CFAP299: variants seen among roughly 807,000 people sequenced by gnomAD.
CFAP299 encodes the protein cilia- and flagella-associated protein 299.
CFAP299 carries 21 observed loss-of-function variants against 27.0 expected under a neutral mutation model. That is an observed-to-expected ratio of 0.78 (90% CI 0.55 to 1.12). The LOEUF (loss-of-function observed/expected upper bound fraction) is 1.12. CFAP299 is among the 50% of genes most tolerant of loss of function. The probability of loss-of-function intolerance (pLI) is 0.00; values close to 1 mark genes in which losing one functional copy is unlikely to be tolerated. For synonymous variants in CFAP299, 104 were observed against 98.1 expected (o/e 1.06, Z -0.36); for missense variants, 310 against 276.6 (o/e 1.12, Z -0.86).
intron 3 of CFAP299, among the ~76,000 whole-genome samples, chr4:80,794,135 G>A (rs1273889754): frequency 6.6e-6 from 1 of 152,134 alleles, no homozygotes; most frequent in Non-Finnish European, 1.5e-5. Context: ...TTGATAGTCT[G>A]GGTCAATCAC....
chr4:80,651,451 G>A (rs1285635485), intron 3 of CFAP299, among the ~76,000 whole-genome samples: 1 of 147,936 alleles, frequency 6.8e-6, no homozygotes, highest in South Asian at 2.1e-4. Context: ...CTGAAGTCTC[G>A]ACCTCCTGGG....
At chr4:80,492,430 CAT>C (rs1441107869) in intron 2 of CFAP299, among the ~76,000 whole-genome samples, 7 of 152,174 alleles carry the variant, frequency 4.6e-5, no homozygotes, top group African/African-American at 1.4e-4. Flanking sequence ...AGTAAATAAA[CAT>C]ATGATGGCTC....
chr4:80,954,631 T>C (rs72866913), intron 5 of CFAP299, among the ~76,000 whole-genome samples: 3,763 of 152,192 alleles, frequency 0.025, 158 homozygotes, highest in African/African-American at 0.086. Context: ...GTCAGAAAAC[T>C]ACCTCATAAG....
At chr4:80,554,950 G>T (rs559371087) in intron 2 of CFAP299, among the ~76,000 whole-genome samples, 1 of 152,124 alleles carries the variant, frequency 6.6e-6, no homozygotes, top group African/African-American at 2.4e-5. Context: ...TGCAAACAGG[G>T]ATAGTTTGAC....
intron 3 of CFAP299, among the ~76,000 whole-genome samples, chr4:80,714,344 A>T (rs1722352756): frequency 6.6e-6 from 1 of 152,168 alleles, no homozygotes; most frequent in South Asian, 2.1e-4. Flanking sequence ...TTGAAATCAT[A>T]CAGTAAATAG....
intron 5 of CFAP299, among the ~76,000 whole-genome samples, chr4:80,954,060 C>T (rs952801253): frequency 1.3e-5 from 2 of 152,240 alleles, no homozygotes; most frequent in Admixed American, 1.3e-4. Context: ...TACCTCAAAT[C>T]AAGAAGTATG....
intron 3 of CFAP299, among the ~76,000 whole-genome samples, chr4:80,854,564 A>G (rs925410086): frequency 6.6e-6 from 1 of 152,002 alleles, no homozygotes; most frequent in Non-Finnish European, 1.5e-5. Context: ...ACAGGATGAA[A>G]GGAAGAACAC....
At chr4:80,922,137 A>G (rs894610741) in intron 4 of CFAP299, among the ~76,000 whole-genome samples, 5 of 152,088 alleles carry the variant, frequency 3.3e-5, no homozygotes, top group Non-Finnish European at 5.9e-5. Flanking sequence ...ATAAATAATA[A>G]CTAAAACAAT....
At chr4:80,829,957 A>G (rs1293665042) in intron 3 of CFAP299, among the ~76,000 whole-genome samples, 1 of 152,070 alleles carries the variant, frequency 6.6e-6, no homozygotes, top group Non-Finnish European at 1.5e-5. Flanking sequence ...CTTAAAGGGT[A>G]TAGAATTGCA....
At chr4:80,775,708 T>A (rs775373880) in intron 3 of CFAP299, among the ~76,000 whole-genome samples, 3 of 152,104 alleles carry the variant, frequency 2.0e-5, no homozygotes, top group Non-Finnish European at 2.9e-5. Context: ...ATCTTGGACT[T>A]CTGAGAATTT....
chr4:80,644,937 G>A (rs984850368), intron 3 of CFAP299, among the ~76,000 whole-genome samples: 13 of 152,016 alleles, frequency 8.6e-5, no homozygotes, highest in Non-Finnish European at 1.6e-4. Context: ...TTATCTTTCA[G>A]CAGCATTAAT....
intron 2 of CFAP299, among the ~76,000 whole-genome samples, chr4:80,581,356 A>T (rs1464664191): frequency 1.3e-5 from 2 of 150,280 alleles, no homozygotes; most frequent in African/African-American, 4.9e-5. Context: ...GAAATTCTCA[A>T]ATATCTGATT....
At chr4:80,939,164 T>A (rs903586097) in intron 4 of CFAP299, among the ~76,000 whole-genome samples, 1 of 152,226 alleles carries the variant, frequency 6.6e-6, no homozygotes, top group African/African-American at 2.4e-5. Flanking sequence ...AACTGATGTT[T>A]AGCCTATTTG....
intron 2 of CFAP299, chr4:80,420,356 C>T (rs2110069194): frequency 2.8e-6 from 1 of 350,898 alleles, no homozygotes; most frequent in East Asian, 7.5e-5. Flanking sequence ...GTTTGCAGGC[C>T]CTCTGAACAG....
intron 4 of CFAP299, chr4:80,870,476 A>G (rs1733016583): frequency 3.0e-6 from 3 of 999,736 alleles, no homozygotes; most frequent in Non-Finnish European, 3.6e-6. Flanking sequence ...CTCATCTAAC[A>G]TGTTTTCCTC....
chr4:80,466,125 A>C (rs1729688750), intron 2 of CFAP299, among the ~76,000 whole-genome samples: 1 of 152,340 alleles, frequency 6.6e-6, no homozygotes, highest in South Asian at 2.1e-4. Flanking sequence ...AACCTTAGAA[A>C]ACAAAATTAT....
chr4:80,528,381 G>A (rs1329508014), intron 2 of CFAP299, among the ~76,000 whole-genome samples: 2 of 151,906 alleles, frequency 1.3e-5, no homozygotes, highest in Non-Finnish European at 2.9e-5. Flanking sequence ...CATATTTATG[G>A]TTCATGTAGC....
At chr4:80,504,777 A>G (rs1003443210) in intron 2 of CFAP299, among the ~76,000 whole-genome samples, 1 of 148,090 alleles carries the variant, frequency 6.8e-6, no homozygotes, top group Non-Finnish European at 1.5e-5. Context: ...TGTGGTTACC[A>G]AGGCCTAAGA....
chr4:80,740,221 TTTG>T (rs1164042720), intron 3 of CFAP299, among the ~76,000 whole-genome samples: 1 of 152,198 alleles, frequency 6.6e-6, no homozygotes, highest in Non-Finnish European at 1.5e-5. Context: ...CTTGTAAATG[TTTG>T]TTGGTGTCTG....
Sources: gnomAD v4.1 joint callset for allele counts (sites outside exome capture counted in the v4.1 genomes callset) on GRCh38, gnomAD v4.1.1 for gene constraint, MANE v1.5 for transcripts, NCBI Gene and HGNC (gene_info 2026-07-23, HGNC 2026-07-21) for gene names.